ULK2: variants seen among roughly 807,000 people sequenced by gnomAD.
ULK2 encodes serine/threonine-protein kinase ULK2.
Under a neutral mutation model 127.5 loss-of-function variants are expected in ULK2, and 76 were observed. That is an observed-to-expected ratio of 0.60 (90% CI 0.50 to 0.72). The LOEUF (loss-of-function observed/expected upper bound fraction) is 0.72, where lower values mean the gene tolerates loss of function less well. Ranked by LOEUF, ULK2 falls within the 30% of genes least tolerant of loss-of-function variation. The probability of loss-of-function intolerance (pLI) is 0.00; values close to 1 mark genes in which losing one functional copy is unlikely to be tolerated. For synonymous variants in ULK2, 452 were observed against 461.9 expected (o/e 0.98, Z 0.28); for missense variants, 1,144 against 1,295.9 (o/e 0.88, Z 1.80).
chr17:19,849,327 C>T, intron 5 of ULK2, 42 bp downstream of exon 5: 2 of 1,580,716 alleles, frequency 1.3e-6, no homozygotes, highest in Non-Finnish European at 1.7e-6. Flanking sequence ...AAACAGGCTG[C>T]AGCACTGTCT....
At chr17:19,788,568 C>T (rs566163664) in intron 20 of ULK2, among the ~76,000 whole-genome samples, 11 of 151,908 alleles carry the variant, frequency 7.2e-5, no homozygotes, top group Non-Finnish European at 1.5e-4. Flanking sequence ...ATAATACTAC[C>T]CAGGGAGCAT....
rs571056660 is a variant in ULK2, at chr17:19,795,921, T to C, written c.1997+174A>G. 6.5e-4 allele frequency among the ~76,000 whole-genome samples: 99 copies of C among 152,298 alleles called. 1 individual carries two copies. Among genetic ancestry groups the C allele is most frequent in the African/African-American group, 2.4e-3 (98 of 41,564 alleles). The stretch of plus-strand genomic sequence containing the variant: ...CAGGAAGAACTATGTACTTACATAG[T>C]TACAGGAAGCATCTGTGGTTTTCAG... On this transcript the variant is annotated intron_variant, in intron 19 of 26. Coordinates refer to ENST00000395544, the MANE Select transcript of ULK2 (RefSeq NM_014683.4).
intron 14 of ULK2, among the ~76,000 whole-genome samples, chr17:19,806,235 G>T (rs1254239226): frequency 6.6e-6 from 1 of 151,998 alleles, no homozygotes; most frequent in Non-Finnish European, 1.5e-5. Flanking sequence ...GAATGTGAAA[G>T]AATAAATGCC....
At position 19,846,774 on chromosome 17, in the gene ULK2, G is replaced by A. The variant is rs745856987; in HGVS notation, c.432C>T (p.Arg144=). ...PQNILLSYAN[R]RKSSVSGIRI... ...GAATACCACTGACACTTGATTTTCT[G>A]CGATTGGCATAGGACAGCAAGATGT... The change falls in exon 6 of 27, where the codon CGC becomes CGT. Residue 144 remains arginine (R), a synonymous_variant. Transcript: ENST00000395544. The A allele has an allele frequency of 3.7e-6, 6 of 1,611,668 alleles. No individual in the cohort carries two copies. The East Asian group carries it at 1.3e-4, about 36-fold the overall frequency.
At chr17:19,831,636 C>T (rs999402869) in intron 10 of ULK2, among the ~76,000 whole-genome samples, 8 of 152,108 alleles carry the variant, frequency 5.3e-5, no homozygotes, top group Non-Finnish European at 1.2e-4. Context: ...ACCAGCCTGG[C>T]CAACATGGTG....
In ULK2 at chr17:19,808,989, A is replaced by G. The variant is rs73295810; in HGVS notation, c.1157+1389T>C. On this transcript the variant is annotated intron_variant, in intron 14 of 26. Transcript: ENST00000395544. Reference sequence around the variant, plus strand: ...TTTACACACTCATGTTTATAACAGCATGCACAATAGCCAAGAGGTTGAAGC... The same window carrying G: ...TTTACACACTCATGTTTATAACAGCGTGCACAATAGCCAAGAGGTTGAAGC... Among the ~76,000 whole-genome samples, 887 of 152,374 alleles carry G rather than the reference A, an allele frequency of 5.8e-3. 11 individuals are homozygous for G. The highest frequency in any genetic ancestry group is 0.02 in the African/African-American group (818 of 41,588).
intron 20 of ULK2, among the ~76,000 whole-genome samples, chr17:19,790,060 G>GAGAT (rs1332523773): frequency 6.6e-6 from 1 of 152,146 alleles, no homozygotes; most frequent in Non-Finnish European, 1.5e-5. Context: ...AAGAAGCAAG[G>GAGAT]AGATAGAGTA....
intron 21 of ULK2, among the ~76,000 whole-genome samples, chr17:19,785,252 C>A (rs532447015): frequency 2.4e-4 from 37 of 152,220 alleles, no homozygotes; most frequent in Admixed American, 5.2e-4. Flanking sequence ...TCGCTCGTTA[C>A]CCAGGCTGGA....
At chr17:19,854,708 T>C (rs939082788) in intron 3 of ULK2, among the ~76,000 whole-genome samples, 9 of 152,126 alleles carry the variant, frequency 5.9e-5, no homozygotes, top group African/African-American at 2.2e-4. Context: ...TGGGGAATCA[T>C]TTTCATAAGC....
chr17:19,794,336 TGA>T (rs1360843823), intron 20 of ULK2, among the ~76,000 whole-genome samples: 1 of 151,896 alleles, frequency 6.6e-6, no homozygotes, highest in East Asian at 1.9e-4. Context: ...ACCAGAAGAA[TGA>T]GAGAGAGAAG....
intron 10 of ULK2, among the ~76,000 whole-genome samples, chr17:19,837,809 G>A (rs752290629): frequency 9.9e-5 from 15 of 152,144 alleles, no homozygotes; most frequent in South Asian, 4.1e-4. Context: ...CCTGGGTAAC[G>A]ACAAGAGTCT....
chr17:19,805,300 A>G (rs1295294113), intron 14 of ULK2, among the ~76,000 whole-genome samples: 1 of 152,094 alleles, frequency 6.6e-6, no homozygotes, highest in Non-Finnish European at 1.5e-5. Flanking sequence ...TCTTGCACAA[A>G]CTCTCAAAGC....
chr17:19,817,322 C>T (rs2041015226), intron 12 of ULK2, among the ~76,000 whole-genome samples: 1 of 152,028 alleles, frequency 6.6e-6, no homozygotes, highest in African/African-American at 2.4e-5. Context: ...TTTAAATTAA[C>T]GACATCTTAC....
At chr17:19,802,849 A>T (rs1458216803) in intron 15 of ULK2, among the ~76,000 whole-genome samples, 1 of 152,106 alleles carries the variant, frequency 6.6e-6, no homozygotes, top group Non-Finnish European at 1.5e-5. Flanking sequence ...CCTGTGCATG[A>T]TTTTTTTTAA....
intron 6 of ULK2, 59 bp downstream of exon 6, chr17:19,846,678 G>A (rs2041891375): frequency 2.1e-6 from 3 of 1,449,362 alleles, no homozygotes; most frequent in East Asian, 2.5e-5. Context: ...CAAAGCTAAA[G>A]TTGTCTAAAA....
At chr17:19,804,659 A>G in intron 15 of ULK2, 34 bp downstream of exon 15, 3 of 1,543,130 alleles carry the variant, frequency 1.9e-6, no homozygotes, top group Middle Eastern at 1.7e-4. Flanking sequence ...AGGAGATGAA[A>G]AAGAATTAAG....
rs1266915998 is a variant in ULK2, at chr17:19,801,757, T to C, written c.1441+20A>G. 6.2e-7 allele frequency: 1 copy of C among 1,607,446 alleles called. No homozygotes were observed. The highest frequency in any genetic ancestry group is 8.5e-7 in the Non-Finnish European group (1 of 1,178,582). On this transcript the variant is annotated intron_variant, in intron 16 of 26. Transcript: ENST00000395544. Reference sequence around the variant, plus strand: ...CAGTGAAAAAAAGGTTGAAAACAACTGTTTTTAAACTCTACTTACCCAAAG... The same window carrying C: ...CAGTGAAAAAAAGGTTGAAAACAACCGTTTTTAAACTCTACTTACCCAAAG...
intron 13 of ULK2, among the ~76,000 whole-genome samples, chr17:19,814,014 C>T (rs1326618596): frequency 1.3e-5 from 2 of 152,068 alleles, no homozygotes; most frequent in Non-Finnish European, 2.9e-5. Context: ...CTGAAATGCT[C>T]TCTGCCTCTC....
rs2086905839 is a variant in ULK2, at chr17:19,780,982, A to T, written c.2758+4T>A. On this transcript the variant is annotated splice_donor_region_variant and intron_variant, in intron 24 of 26. Transcript: ENST00000395544. Reference sequence around the variant, plus strand: ...CTGGAGTTACACGCTGCCTTCTCCCATACCTTGTTTCACAGCTGTGGATGG... The same window carrying T: ...CTGGAGTTACACGCTGCCTTCTCCCTTACCTTGTTTCACAGCTGTGGATGG... 1 of 1,613,916 alleles carries T rather than the reference A, an allele frequency of 6.2e-7. No individual in the cohort carries two copies. The highest frequency in any genetic ancestry group is 8.5e-7 in the Non-Finnish European group (1 of 1,179,946).
Sources: gnomAD v4.1 joint callset for allele counts (sites outside exome capture counted in the v4.1 genomes callset) on GRCh38, gnomAD v4.1.1 for gene constraint, MANE v1.5 for transcripts, NCBI Gene and HGNC (gene_info 2026-07-23, HGNC 2026-07-21) for gene names.